The following TAS2R1 variants were observed in gnomAD, a reference collection of about 807,000 sequenced individuals.
TAS2R1 encodes the protein taste 2 receptor member 1.
For missense variants in TAS2R1, 370 were observed against 353.4 expected, an observed-to-expected ratio of 1.05 and a Z score of -0.38; for synonymous variants, 141 against 134.2, an observed-to-expected ratio of 1.05 and a Z score of -0.35.
At chr5:9,750,140 C>G in the TAS2R1 span, among the ~76,000 whole-genome samples, 1 of 152,182 alleles carries the variant, frequency 6.6e-6, no homozygotes, top group Admixed American at 6.5e-5. Flanking sequence ...GGGCGTTATT[C>G]CTCCACTCAC....
chr5:9,763,331 C>T, the TAS2R1 span, among the ~76,000 whole-genome samples: 1 of 152,040 alleles, frequency 6.6e-6, no homozygotes, highest in Non-Finnish European at 1.5e-5. Context: ...GGTAAAACTC[C>T]ATCTCTCCCA....
intron 1 of TAS2R1, among the ~76,000 whole-genome samples, chr5:9,698,769 C>A (rs1278342923): frequency 6.6e-6 from 1 of 152,140 alleles, no homozygotes; most frequent in Non-Finnish European, 1.5e-5. Flanking sequence ...GTGCCAGGGA[C>A]AAGTGGCTGA....
At chr5:9,653,763 T>C (rs560484623) in intron 2 of TAS2R1, among the ~76,000 whole-genome samples, 9 of 152,350 alleles carry the variant, frequency 5.9e-5, no homozygotes, top group African/African-American at 1.9e-4. Context: ...CTTACTGTCA[T>C]AGATTTTAAT....
the TAS2R1 span, among the ~76,000 whole-genome samples, chr5:9,748,497 T>G: frequency 6.6e-6 from 1 of 152,142 alleles, no homozygotes. Flanking sequence ...TTCTGGTGAC[T>G]GGAGAGTTCA....
At chr5:9,768,378 C>T in the TAS2R1 span, among the ~76,000 whole-genome samples, 1 of 152,194 alleles carries the variant, frequency 6.6e-6, no homozygotes, top group Non-Finnish European at 1.5e-5. Context: ...AATCCCATGT[C>T]ATCAAATTGT....
chr5:9,739,803 G>C, the TAS2R1 span, among the ~76,000 whole-genome samples: 1 of 152,174 alleles, frequency 6.6e-6, no homozygotes, highest in Non-Finnish European at 1.5e-5. Context: ...TGAATTCAGA[G>C]AATTTAAGAT....
chr5:9,630,993 C>T (rs1739862441), upstream of TAS2R1, among the ~76,000 whole-genome samples: 1 of 152,076 alleles, frequency 6.6e-6, no homozygotes. Flanking sequence ...CTACATAACT[C>T]TTTGTTAGGC....
the TAS2R1 span, among the ~76,000 whole-genome samples, chr5:9,723,549 C>T: frequency 6.6e-6 from 1 of 152,218 alleles, no homozygotes; most frequent in Non-Finnish European, 1.5e-5. Flanking sequence ...CCCAGGGCTC[C>T]TTCCATTAGG....
chr5:9,638,544 A>C (rs1740011100), intron 2 of TAS2R1, among the ~76,000 whole-genome samples: 1 of 152,044 alleles, frequency 6.6e-6, no homozygotes, highest in African/African-American at 2.4e-5. Flanking sequence ...TAATGACCTG[A>C]GTTGGTTGTC....
chr5:9,860,834 C>T, the TAS2R1 span, among the ~76,000 whole-genome samples: 609 of 152,196 alleles, frequency 4.0e-3, 22 homozygotes, highest in East Asian at 0.071. Flanking sequence ...AAAGGTTGGT[C>T]GCAGTGAAAA....
At chr5:9,774,854 CAGTGGG>C in the TAS2R1 span, among the ~76,000 whole-genome samples, 9 of 152,246 alleles carry the variant, frequency 5.9e-5, no homozygotes, top group African/African-American at 2.2e-4. Context: ...TGGCCACCAC[CAGTGGG>C]AGTGTGCTGG....
the TAS2R1 span, among the ~76,000 whole-genome samples, chr5:9,744,845 T>C: frequency 2.0e-5 from 3 of 152,362 alleles, no homozygotes; most frequent in South Asian, 2.1e-4. Flanking sequence ...TGAACATGTA[T>C]ACAATGTTAT....
chr5:9,741,012 G>T, the TAS2R1 span, among the ~76,000 whole-genome samples: 1 of 152,252 alleles, frequency 6.6e-6, no homozygotes, highest in East Asian at 1.9e-4. Context: ...TATAAACAGA[G>T]CTTAGCCCCA....
At chr5:9,681,986 C>A (rs749434565) in intron 1 of TAS2R1, among the ~76,000 whole-genome samples, 5 of 152,122 alleles carry the variant, frequency 3.3e-5, no homozygotes, top group Non-Finnish European at 7.4e-5. Context: ...TGCCTGTGTC[C>A]TTGCCAAGTT....
chr5:9,753,814 C>T, the TAS2R1 span, among the ~76,000 whole-genome samples: 2 of 152,174 alleles, frequency 1.3e-5, no homozygotes, highest in African/African-American at 4.8e-5. Context: ...AATCGTTTCT[C>T]CATTTCTTGT....
intron 1 of TAS2R1, among the ~76,000 whole-genome samples, chr5:9,702,536 G>T (rs1041722600): frequency 6.6e-6 from 1 of 152,186 alleles, no homozygotes; most frequent in Non-Finnish European, 1.5e-5. Flanking sequence ...CATAGATAAA[G>T]ACTGGAAATG....
At chr5:9,759,066 G>C in the TAS2R1 span, among the ~76,000 whole-genome samples, 2 of 152,174 alleles carry the variant, frequency 1.3e-5, no homozygotes, top group Non-Finnish European at 2.9e-5. Flanking sequence ...AGATGGTGGT[G>C]ACTCCATTAT....
chr5:9,677,053 C>A (rs945979409), intron 1 of TAS2R1, among the ~76,000 whole-genome samples: 2 of 152,154 alleles, frequency 1.3e-5, no homozygotes, highest in Admixed American at 6.5e-5. Flanking sequence ...AGTAGATACA[C>A]ACAATGGAAT....
intron 2 of TAS2R1, among the ~76,000 whole-genome samples, chr5:9,635,871 T>C (rs1264306522): frequency 6.6e-6 from 1 of 152,106 alleles, no homozygotes; most frequent in Non-Finnish European, 1.5e-5. Flanking sequence ...ATTTTGTTTA[T>C]CCTTTCAAAG....
Sources: gnomAD v4.1 joint callset for allele counts (sites outside exome capture counted in the v4.1 genomes callset) on GRCh38, gnomAD v4.1.1 for gene constraint, MANE v1.5 for transcripts, NCBI Gene and HGNC (gene_info 2026-07-23, HGNC 2026-07-21) for gene names.